The following CNTNAP4 variants were observed in gnomAD, a reference collection of about 807,000 sequenced individuals.
CNTNAP4 encodes contactin associated protein family member 4, also known as contactin-associated protein-like 4.
CNTNAP4 carries 98 observed loss-of-function variants against 148.4 expected under a neutral mutation model. The observed-to-expected ratio is 0.66, with a 90% confidence interval of 0.56 to 0.78. CNTNAP4 has a LOEUF of 0.78. Ranked by LOEUF, CNTNAP4 falls within the 30% of genes least tolerant of loss-of-function variation. The pLI, the probability that CNTNAP4 is intolerant of heterozygous loss-of-function variation, is 0.00. For missense variants in CNTNAP4, 1,935 were observed against 1,565.6 expected (o/e 1.24, Z -3.98); for synonymous variants, 730 against 565.1 (o/e 1.29, Z -4.14).
At chr16:76,383,510 G>C (rs551956961) in intron 3 of CNTNAP4, among the ~76,000 whole-genome samples, 1 of 151,168 alleles carries the variant, frequency 6.6e-6, no homozygotes, top group East Asian at 1.9e-4. Flanking sequence ...GAAAGAAAAA[G>C]GAAGAGTGAT....
chr16:76,347,294 C>T (rs1038807434), intron 2 of CNTNAP4, among the ~76,000 whole-genome samples: 8 of 152,030 alleles, frequency 5.3e-5, no homozygotes, highest in African/African-American at 1.9e-4. Context: ...TAAATTTAGA[C>T]CATGTTATAC....
chr16:76,292,673 C>A (rs566281084), intron 1 of CNTNAP4, among the ~76,000 whole-genome samples: 29 of 152,212 alleles, frequency 1.9e-4, no homozygotes, highest in Admixed American at 1.2e-3. Flanking sequence ...TTCCTTCTGG[C>A]ATCATAGAGT....
chr16:76,423,661 T>C (rs1321828170), intron 3 of CNTNAP4, among the ~76,000 whole-genome samples: 2 of 152,148 alleles, frequency 1.3e-5, no homozygotes, highest in Non-Finnish European at 2.9e-5. Flanking sequence ...TAATATAGCA[T>C]CATATGCATC....
At position 76,396,229 on chromosome 16, in the gene CNTNAP4, G is replaced by C. The variant is rs552923130; in HGVS notation, c.391-31223G>C. 9.0e-4 allele frequency among the ~76,000 whole-genome samples: 137 copies of C among 152,298 alleles called. 1 individual carries two copies. The highest frequency in any genetic ancestry group is 5.0e-3 in the Admixed American group (76 of 15,298). Reference sequence around the variant, plus strand: ...AAGGGGATGACTTCACTTGAATTGTGCATATTCATTTGCCATTTAATTCAA... The same window carrying C: ...AAGGGGATGACTTCACTTGAATTGTCCATATTCATTTGCCATTTAATTCAA... On this transcript the variant is annotated intron_variant, in intron 3 of 23. Transcript: ENST00000611870.
Position 76,419,618 on chromosome 16 carries a change from G to A in CNTNAP4, c.391-7834G>A, listed in dbSNP as rs376378528. 6.6e-5 allele frequency among the ~76,000 whole-genome samples: 10 copies of A among 152,086 alleles called. 1 individual carries two copies. The highest frequency in any genetic ancestry group is 2.4e-4 in the African/African-American group (10 of 41,524). On this transcript the variant is annotated intron_variant, in intron 3 of 23. Transcript: ENST00000611870. ...TTTTGTTCCAGGTGGATGGATCTCA[G>A]CTCTGACTCTTTGGATGGTCCCGTC... is the stretch of plus-strand genomic sequence containing the variant.
At chr16:76,540,876 C>T in intron 21 of CNTNAP4, 86 bp downstream of exon 21, 2 of 857,256 alleles carry the variant, frequency 2.3e-6, no homozygotes, top group Non-Finnish European at 3.6e-6. Context: ...CACACACCCA[C>T]TTCGTCATGG....
At position 76,309,981 on chromosome 16, in the gene CNTNAP4, CAG is replaced by C. The variant is rs201060808; in HGVS notation, c.86-6431_86-6430del. 2,770 of 678,458 alleles carry C rather than the reference CAG, an allele frequency of 4.1e-3. 50 individuals carry two copies. The highest frequency in any genetic ancestry group is 0.04 in the African/African-American group (2,244 of 56,206). The allele number at this position is 678,458 out of a possible 1,614,324, so 42.0% of individuals were successfully genotyped here. A position where few individuals can be genotyped will look rare whatever the true frequency, so the allele number is the denominator to read the frequency against. On this transcript the variant is annotated intron_variant, in intron 1 of 23. Coordinates refer to ENST00000611870, the MANE Select transcript of CNTNAP4 (RefSeq NM_033401.5). ...TCAGCAGCATGGAAACGGACTAAAACAGGGGCCAGTTGCTACAGGAGTTATTA... is the reference window on the plus strand; with the variant it reads ...TCAGCAGCATGGAAACGGACTAAAACGGGCCAGTTGCTACAGGAGTTATTA...
chr16:76,558,777 A>T lies in CNTNAP4; in HGVS notation c.*94A>T, dbSNP rs934908630. On this transcript the variant is annotated 3_prime_UTR_variant, in exon 24 of 24. Transcript: ENST00000611870. ...ACGAATGCTCTTACACTGAATGTAC[A>T]GGCAGTGGGCTTGCAGCACTGCCAT... The T allele has an allele frequency of 5.2e-6, 5 of 957,250 alleles. No homozygotes were observed. The African/African-American group carries it at 8.3e-5, about 16-fold the overall frequency. 59.3% of individuals were successfully genotyped at this position (957,250 alleles called of 1,614,324 possible). A position where few individuals can be genotyped will look rare whatever the true frequency, so the allele number is the denominator to read the frequency against.
At chr16:76,439,992 G>A (rs1337199977) in intron 4 of CNTNAP4, among the ~76,000 whole-genome samples, 1 of 151,924 alleles carries the variant, frequency 6.6e-6, no homozygotes, top group East Asian at 1.9e-4. Context: ...TAGTTAAACA[G>A]CGACTCAGTC....
At chr16:76,481,958 G>A (rs1205279727) in intron 12 of CNTNAP4, among the ~76,000 whole-genome samples, 1 of 151,800 alleles carries the variant, frequency 6.6e-6, no homozygotes, top group Non-Finnish European at 1.5e-5. Flanking sequence ...TAAGACCTTT[G>A]GTTTTTTACT....
chr16:76,431,510 C>G (rs939865611), intron 4 of CNTNAP4, among the ~76,000 whole-genome samples: 1 of 152,128 alleles, frequency 6.6e-6, no homozygotes, highest in South Asian at 2.1e-4. Context: ...AAAACCCTGT[C>G]TCTACTTAAA....
intron 23 of CNTNAP4, among the ~76,000 whole-genome samples, chr16:76,556,403 C>T (rs1182959027): frequency 1.3e-5 from 2 of 151,962 alleles, no homozygotes; most frequent in Non-Finnish European, 2.9e-5. Context: ...CAAAGTTTTT[C>T]TTGAGCACAA....
intron 2 of CNTNAP4, among the ~76,000 whole-genome samples, chr16:76,320,675 T>C (rs1406404380): frequency 1.3e-5 from 2 of 152,176 alleles, no homozygotes; most frequent in African/African-American, 4.8e-5. Flanking sequence ...GTTGTCAATG[T>C]AGAGTTCAAA....
chr16:76,356,229 G>A (rs77408026), intron 3 of CNTNAP4, among the ~76,000 whole-genome samples: 3,207 of 152,170 alleles, frequency 0.021, 112 homozygotes, highest in African/African-American at 0.074. Context: ...TATTTCTTCT[G>A]ATAACTGAGA....
intron 22 of CNTNAP4, 27 bp from the exon 23 acceptor site, chr16:76,553,809 T>TC: frequency 2.0e-6 from 3 of 1,494,574 alleles, no homozygotes; most frequent in Non-Finnish European, 2.8e-6. Flanking sequence ...TATATCACCT[T>TC]CCCCCTTTGT....
chr16:76,340,744 G>C (rs1311333440), intron 2 of CNTNAP4, among the ~76,000 whole-genome samples: 1 of 152,174 alleles, frequency 6.6e-6, no homozygotes. Context: ...CCTGCTAGTA[G>C]AACATTATAT....
In CNTNAP4 at chr16:76,479,467, C is replaced by T; in HGVS notation, c.1811C>T (p.Ser604Leu). The T allele has an allele frequency of 6.2e-7, 1 of 1,610,368 alleles. No homozygotes were observed. The highest frequency in any genetic ancestry group is 8.5e-7 in the Non-Finnish European group (1 of 1,178,292). The change falls in exon 12 of 24, where the codon TCA (serine) becomes TTA (leucine). Residue 604 changes from serine (S) to leucine (L), a missense_variant. Transcript: ENST00000611870. ...GCCTATAAGCACAGAGGAAATACTT[C>T]AGGGTTTTACTATATAGATTCAGAT... ...CEAYKHRGNTSGFYYIDSDGS... is the reference protein window; with the variant it reads ...CEAYKHRGNTLGFYYIDSDGS...
chr16:76,519,007 C>G (rs375176351), intron 15 of CNTNAP4, among the ~76,000 whole-genome samples: 1 of 152,256 alleles, frequency 6.6e-6, no homozygotes, highest in East Asian at 1.9e-4. Flanking sequence ...CTCTCTTTGC[C>G]CTTCCTTTCT....
At chr16:76,503,684 C>G (rs1044506464) in intron 15 of CNTNAP4, among the ~76,000 whole-genome samples, 1 of 152,040 alleles carries the variant, frequency 6.6e-6, no homozygotes, top group South Asian at 2.1e-4. Context: ...CCCCTTCCCC[C>G]CACCCCACAA....
Sources: allele counts gnomAD v4.1 joint callset (sites outside exome capture counted in the v4.1 genomes callset), GRCh38; gene constraint gnomAD v4.1.1; transcripts MANE v1.5; gene names NCBI Gene and HGNC (gene_info 2026-07-23, HGNC 2026-07-21).